NRXN3: variants seen among roughly 807,000 people sequenced by gnomAD.
The protein encoded by NRXN3 is neurexin III.
A neutral mutation model predicts 137.6 loss-of-function variants in NRXN3; 32 were observed. The ratio of observed to expected loss-of-function variants is 0.23; its 90% CI spans 0.18 to 0.31. The LOEUF (loss-of-function observed/expected upper bound fraction) is 0.31, where lower values mean the gene tolerates loss of function less well. Among genes scored for constraint, NRXN3 ranks in the 10% least tolerant of loss-of-function variants. The pLI, the probability that NRXN3 is intolerant of heterozygous loss-of-function variation, is 1.00. For missense variants in NRXN3, 1,574 were observed against 2,062.5 expected (o/e 0.76, Z 4.59); for synonymous variants, 798 against 784.5 (o/e 1.02, Z -0.29).
intron 19 of NRXN3, among the ~76,000 whole-genome samples, chr14:79,719,957 C>G (rs1232868530): frequency 1.3e-5 from 2 of 151,982 alleles, no homozygotes; most frequent in Non-Finnish European, 2.9e-5. Context: ...ATTATTATTG[C>G]TCTTTTGTCC....
At chr14:79,200,314 T>C (rs17108947) in intron 15 of NRXN3, among the ~76,000 whole-genome samples, 5,460 of 152,244 alleles carry the variant, frequency 0.036, 274 homozygotes, top group East Asian at 0.27. Flanking sequence ...ATATGGATGA[T>C]ACTCTACAGA....
Position 78,564,735 on chromosome 14 carries a change from C to T in NRXN3, c.758-80385C>T, listed in dbSNP as rs141352642. On this transcript the variant is annotated intron_variant, in intron 4 of 20. Transcript: ENST00000335750. The stretch of plus-strand genomic sequence containing the variant: ...CTGTTTCCCTAGGCTGTTGTCTTCA[C>T]GGCCGCCATGGTAGGTTTTGCCTAT... 1.5e-3 allele frequency among the ~76,000 whole-genome samples: 222 copies of T among 152,280 alleles called. 1 individual carries two copies. The highest frequency in any genetic ancestry group is 5.1e-3 in the African/African-American group (213 of 41,564).
intron 4 of NRXN3, among the ~76,000 whole-genome samples, chr14:78,430,771 A>G (rs7149345): frequency 0.53 from 81,162 of 152,114 alleles, 22,187 homozygotes; most frequent in Middle Eastern, 0.65. Flanking sequence ...CAATAAAGAA[A>G]TAAATCCTAA....
chr14:78,683,320 A>G (rs1325557525), intron 6 of NRXN3, among the ~76,000 whole-genome samples: 4 of 152,218 alleles, frequency 2.6e-5, no homozygotes, highest in African/African-American at 9.6e-5. Context: ...GAGAATTAAA[A>G]ATGTGCAAAT....
chr14:78,699,629 A>G (rs2098259976), intron 6 of NRXN3, among the ~76,000 whole-genome samples: 1 of 152,146 alleles, frequency 6.6e-6, no homozygotes, highest in African/African-American at 2.4e-5. Context: ...TTTCTACTCT[A>G]ATAGTTACCT....
intron 15 of NRXN3, among the ~76,000 whole-genome samples, chr14:79,422,679 A>G (rs2095596427): frequency 1.3e-5 from 2 of 151,484 alleles, no homozygotes; most frequent in African/African-American, 4.8e-5. Context: ...TGCAATTCTA[A>G]TACTTCAGTT....
intron 15 of NRXN3, among the ~76,000 whole-genome samples, chr14:79,384,095 A>T (rs951313129): frequency 4.6e-5 from 7 of 151,990 alleles, no homozygotes; most frequent in South Asian, 2.1e-4. Context: ...ATTGTCAGGC[A>T]CCTCCCCCAC....
chr14:78,490,353 C>T (rs889321153), intron 4 of NRXN3, among the ~76,000 whole-genome samples: 1 of 152,154 alleles, frequency 6.6e-6, no homozygotes, highest in Non-Finnish European at 1.5e-5. Flanking sequence ...TGGGCATACT[C>T]CTTACCTTAC....
intron 16 of NRXN3, among the ~76,000 whole-genome samples, chr14:79,476,989 T>C (rs2096565366): frequency 6.6e-6 from 1 of 152,082 alleles, no homozygotes; most frequent in Admixed American, 6.6e-5. Context: ...CTTGGGATTG[T>C]TGGAGATGTG....
At chr14:78,358,657 A>G (rs2084678886) in intron 4 of NRXN3, among the ~76,000 whole-genome samples, 1 of 152,230 alleles carries the variant, frequency 6.6e-6, no homozygotes, top group African/African-American at 2.4e-5. Flanking sequence ...CTACGCATCC[A>G]GCTGGTTGCT....
At chr14:79,433,696 A>G (rs2095800006) in intron 15 of NRXN3, among the ~76,000 whole-genome samples, 1 of 152,222 alleles carries the variant, frequency 6.6e-6, no homozygotes, top group South Asian at 2.1e-4. Context: ...TAGTGAAATA[A>G]GATTTTAATA....
At chr14:78,823,872 T>G (rs1288938793) in intron 10 of NRXN3, among the ~76,000 whole-genome samples, 1 of 151,810 alleles carries the variant, frequency 6.6e-6, no homozygotes, top group East Asian at 1.9e-4. Context: ...GATCTGAGGG[T>G]GGAGTTTTTG....
intron 14 of NRXN3, among the ~76,000 whole-genome samples, chr14:78,984,116 A>G (rs901175258): frequency 6.6e-5 from 10 of 152,144 alleles, no homozygotes; most frequent in African/African-American, 2.4e-4. Context: ...CAAAGTTTCA[A>G]TTAGACAAGA....
chr14:78,471,135 C>T (rs778660254), intron 4 of NRXN3, among the ~76,000 whole-genome samples: 5 of 152,092 alleles, frequency 3.3e-5, no homozygotes, highest in Non-Finnish European at 7.4e-5. Context: ...ACAGAGTGGA[C>T]TTGGTATCCT....
intron 4 of NRXN3, among the ~76,000 whole-genome samples, chr14:78,635,612 A>T (rs2152549454): frequency 6.6e-6 from 1 of 152,226 alleles, no homozygotes; most frequent in South Asian, 2.1e-4. Context: ...TGTCCCTCCT[A>T]ACATTTTTGT....
At chr14:78,475,208 AT>A (rs2095357708) in intron 4 of NRXN3, among the ~76,000 whole-genome samples, 1 of 127,600 alleles carries the variant, frequency 7.8e-6, no homozygotes, top group African/African-American at 3.0e-5. Flanking sequence ...AAAGCATTTT[AT>A]TAGCATTATC....
intron 4 of NRXN3, among the ~76,000 whole-genome samples, chr14:78,546,565 C>T (rs1398884087): frequency 6.6e-6 from 1 of 152,078 alleles, no homozygotes; most frequent in Non-Finnish European, 1.5e-5. Flanking sequence ...TTCCCCGTCC[C>T]CACCTTTAAA....
chr14:78,451,281 G>A (rs1013205603), intron 4 of NRXN3, among the ~76,000 whole-genome samples: 1 of 152,204 alleles, frequency 6.6e-6, no homozygotes, highest in Non-Finnish European at 1.5e-5. Context: ...GACCTCCTGT[G>A]TCTTTATACA....
intron 11 of NRXN3, among the ~76,000 whole-genome samples, chr14:78,965,535 A>G (rs2099415833): frequency 6.6e-6 from 1 of 152,178 alleles, no homozygotes; most frequent in Non-Finnish European, 1.5e-5. Context: ...TTATTATAAG[A>G]TAAAGTAACA....
Sources: gnomAD v4.1 joint callset for allele counts (sites outside exome capture counted in the v4.1 genomes callset) on GRCh38, gnomAD v4.1.1 for gene constraint, MANE v1.5 for transcripts, NCBI Gene and HGNC (gene_info 2026-07-23, HGNC 2026-07-21) for gene names.